Variants in TPD52L1 observed in about 807,000 individuals in gnomAD.
The protein encoded by TPD52L1 is tumor protein D53.
TPD52L1 carries 18 observed loss-of-function variants against 28.7 expected under a neutral mutation model. The observed-to-expected ratio is 0.63, with a 90% confidence interval of 0.43 to 0.93. The LOEUF is 0.93. TPD52L1 is among the 40% of genes least tolerant of loss of function. TPD52L1 has a pLI of 0.00. For missense variants in TPD52L1, 203 were observed against 254.8 expected, an observed-to-expected ratio of 0.80 and a Z score of 1.39; for synonymous variants, 75 against 88.8, an observed-to-expected ratio of 0.84 and a Z score of 0.88.
At chr6:125,216,611 A>G (rs1442209073) in intron 1 of TPD52L1, among the ~76,000 whole-genome samples, 1 of 148,676 alleles carries the variant, frequency 6.7e-6, no homozygotes, top group African/African-American at 2.5e-5. Flanking sequence ...GAAATACCAG[A>G]AAGGAAGGAT....
intron 1 of TPD52L1, among the ~76,000 whole-genome samples, chr6:125,189,852 T>G (rs995213373): frequency 6.6e-6 from 1 of 152,206 alleles, no homozygotes; most frequent in Admixed American, 6.5e-5. Context: ...TTGTTTAGTA[T>G]GCACTACACA....
intron 1 of TPD52L1, among the ~76,000 whole-genome samples, chr6:125,172,524 A>ATTT (rs573060560): frequency 2.6e-5 from 2 of 76,440 alleles, no homozygotes; most frequent in African/African-American, 1.4e-4. Context: ...ATATATATAT[A>ATTT]TATATATATA....
At chr6:125,249,388 A>G (rs571250443) in intron 4 of TPD52L1, among the ~76,000 whole-genome samples, 100 of 151,982 alleles carry the variant, frequency 6.6e-4, no homozygotes, top group African/African-American at 2.3e-3. Flanking sequence ...TTAAAAAGAA[A>G]AAGCTTTGGG....
chr6:125,229,992 C>A (rs960851922), intron 3 of TPD52L1, among the ~76,000 whole-genome samples: 2 of 152,042 alleles, frequency 1.3e-5, no homozygotes, highest in Non-Finnish European at 2.9e-5. Flanking sequence ...GAGGCTGAGG[C>A]AGGGGAATTG....
chr6:125,208,230 A>G (rs550101271), intron 1 of TPD52L1, among the ~76,000 whole-genome samples: 4 of 152,342 alleles, frequency 2.6e-5, no homozygotes, highest in African/African-American at 9.6e-5. Flanking sequence ...CTCAAGGCCA[A>G]GATATCATTA....
intron 1 of TPD52L1, among the ~76,000 whole-genome samples, chr6:125,184,729 G>A (rs994686280): frequency 6.6e-5 from 10 of 151,912 alleles, no homozygotes; most frequent in Admixed American, 1.3e-4. Context: ...ATGATGGAAC[G>A]TTTACATTAA....
chr6:125,253,362 T>G, intron 4 of TPD52L1: 1 of 268,290 alleles, frequency 3.7e-6, no homozygotes, highest in South Asian at 6.9e-5. Flanking sequence ...CTCCTTACTG[T>G]TTTCCTGAGC....
intron 3 of TPD52L1, among the ~76,000 whole-genome samples, chr6:125,234,801 T>A (rs1453631437): frequency 1.3e-5 from 2 of 152,064 alleles, no homozygotes; most frequent in Non-Finnish European, 2.9e-5. Context: ...GGGAGTAAAA[T>A]GCAATACATC....
chr6:125,242,317 T>C (rs1241516560), intron 3 of TPD52L1, among the ~76,000 whole-genome samples: 1 of 152,060 alleles, frequency 6.6e-6, no homozygotes, highest in Non-Finnish European at 1.5e-5. Context: ...TTAGTTCTAG[T>C]GTAGAGTTTA....
chr6:125,169,430 A>G (rs1368961779), intron 1 of TPD52L1, among the ~76,000 whole-genome samples: 1 of 150,308 alleles, frequency 6.7e-6, no homozygotes, highest in Non-Finnish European at 1.5e-5. Flanking sequence ...TGAACTCAAC[A>G]TGTCTAACAC....
intron 1 of TPD52L1, among the ~76,000 whole-genome samples, chr6:125,156,249 G>A (rs1409066967): frequency 6.6e-6 from 1 of 152,038 alleles, no homozygotes; most frequent in Non-Finnish European, 1.5e-5. Context: ...GGATCACTTA[G>A]AGCCCAGGAG....
intron 3 of TPD52L1, among the ~76,000 whole-genome samples, chr6:125,234,822 A>G (rs550543494): frequency 3.6e-4 from 55 of 152,250 alleles, no homozygotes; most frequent in Non-Finnish European, 5.1e-4. Context: ...ATTGAGTGCC[A>G]TGGCTCACAC....
At chr6:125,189,896 T>G (rs1792919438) in intron 1 of TPD52L1, among the ~76,000 whole-genome samples, 1 of 152,150 alleles carries the variant, frequency 6.6e-6, no homozygotes, top group Admixed American at 6.5e-5. Context: ...ATAGCAATAA[T>G]AACTTAGGTT....
intron 1 of TPD52L1, among the ~76,000 whole-genome samples, chr6:125,212,333 C>A (rs548715947): frequency 6.6e-6 from 1 of 152,304 alleles, no homozygotes; most frequent in Non-Finnish European, 1.5e-5. Flanking sequence ...TTTTCTAATA[C>A]AGTGCAAGAT....
chr6:125,229,026 T>G, intron 2 of TPD52L1, 92 bp from the exon 3 acceptor site: 1 of 1,379,556 alleles, frequency 7.2e-7, no homozygotes. Context: ...AATAGGAGGG[T>G]CAGAGGCTGC....
At chr6:125,256,076 C>T (rs1797578156) in intron 5 of TPD52L1, among the ~76,000 whole-genome samples, 1 of 152,118 alleles carries the variant, frequency 6.6e-6, no homozygotes, top group African/African-American at 2.4e-5. Flanking sequence ...GGGCCAGGCA[C>T]GGTGGCTCAC....
At chr6:125,242,404 T>C (rs542710427) in intron 3 of TPD52L1, among the ~76,000 whole-genome samples, 1 of 152,062 alleles carries the variant, frequency 6.6e-6, no homozygotes. Flanking sequence ...AGTCCCCCAC[T>C]ATTATTGCAT....
chr6:125,206,699 G>A (rs889990332), intron 1 of TPD52L1, among the ~76,000 whole-genome samples: 4 of 152,124 alleles, frequency 2.6e-5, no homozygotes, highest in East Asian at 1.9e-4. Flanking sequence ...TCAAATCTAC[G>A]CCAGAAGCAA....
At chr6:125,165,085 G>GATATATATATATATATATAT (rs1554201225) in intron 1 of TPD52L1, among the ~76,000 whole-genome samples, 2 of 46,768 alleles carry the variant, frequency 4.3e-5, no homozygotes, top group Non-Finnish European at 7.4e-5. Context: ...TTAAAAAAAA[G>GATATATATATATATATATAT]ATATATATAT....
Sources: allele counts gnomAD v4.1 joint callset (sites outside exome capture counted in the v4.1 genomes callset), GRCh38; gene constraint gnomAD v4.1.1; transcripts MANE v1.5; gene names NCBI Gene and HGNC (gene_info 2026-07-23, HGNC 2026-07-21).